TMEM181: variants seen among roughly 807,000 people sequenced by gnomAD.
TMEM181 encodes the protein G protein-coupled receptor 178.
A neutral mutation model predicts 71.9 loss-of-function variants in TMEM181; 39 were observed. That is an observed-to-expected ratio of 0.54 (90% CI 0.42 to 0.71). TMEM181 has a LOEUF of 0.71. Ranked by LOEUF, TMEM181 falls within the 30% of genes least tolerant of loss-of-function variation. The pLI is 0.00. For synonymous variants in TMEM181, 245 were observed against 228.8 expected, an observed-to-expected ratio of 1.07 and a Z score of -0.64; for missense variants, 595 against 583.0, an observed-to-expected ratio of 1.02 and a Z score of -0.21.
chr6:158,609,017 G>A (rs543069192), intron 10 of TMEM181, among the ~76,000 whole-genome samples: 21 of 151,832 alleles, frequency 1.4e-4, no homozygotes, highest in Non-Finnish European at 2.6e-4. Context: ...AGGATCGCTT[G>A]AGCCTGCGAG....
intron 13 of TMEM181, 116 bp downstream of exon 13, chr6:158,625,870 C>G (rs1041973907): frequency 3.2e-6 from 3 of 940,142 alleles, no homozygotes; most frequent in Non-Finnish European, 4.9e-6. Flanking sequence ...CCAGTAGACT[C>G]ATGAGGTTAG....
intron 10 of TMEM181, among the ~76,000 whole-genome samples, chr6:158,615,411 A>T (rs1468123896): frequency 6.6e-6 from 1 of 152,158 alleles, no homozygotes; most frequent in Non-Finnish European, 1.5e-5. Context: ...TAGATAGCAA[A>T]AATTTTCTGC....
chr6:158,611,028 T>C lies in TMEM181; in HGVS notation c.896+2278T>C, dbSNP rs1322669964. The C allele has an allele frequency of 1.8e-5, 8 of 452,746 alleles. No homozygotes were observed. In the East Asian group the frequency reaches 4.2e-4, roughly 24 times the overall value. 28.0% of individuals were successfully genotyped at this position (452,746 alleles called of 1,614,324 possible). ...CATCACCACCTCCCTATCTTTATGCTTTCGGATTTCTAAATGAGAGAGTCA... is the reference window on the plus strand; with the variant it reads ...CATCACCACCTCCCTATCTTTATGCCTTCGGATTTCTAAATGAGAGAGTCA... On this transcript the variant is annotated intron_variant, in intron 10 of 16. Coordinates refer to ENST00000684151, the MANE Select transcript of TMEM181 (RefSeq NM_001376852.1).
chr6:158,541,110 G>A (rs1781324555), intron 1 of TMEM181, among the ~76,000 whole-genome samples: 1 of 152,010 alleles, frequency 6.6e-6, no homozygotes, highest in Non-Finnish European at 1.5e-5. Context: ...GAGCCATGAG[G>A]GGTGAGTGAA....
At chr6:158,605,569 G>A (rs1311865501) in intron 7 of TMEM181, among the ~76,000 whole-genome samples, 2 of 152,176 alleles carry the variant, frequency 1.3e-5, no homozygotes, top group East Asian at 1.9e-4. Flanking sequence ...TAGAGTGCAC[G>A]TCCGTGACTT....
chr6:158,586,390 T>C (rs1783775528), intron 5 of TMEM181, among the ~76,000 whole-genome samples: 1 of 152,200 alleles, frequency 6.6e-6, no homozygotes, highest in African/African-American at 2.4e-5. Context: ...CTGCTGGGTG[T>C]CATGCCAAGT....
intron 1 of TMEM181, among the ~76,000 whole-genome samples, chr6:158,542,339 A>G (rs1781385318): frequency 6.6e-6 from 1 of 152,222 alleles, no homozygotes; most frequent in South Asian, 2.1e-4. Context: ...TTACTCCGTT[A>G]TTGAGTCCTT....
intron 6 of TMEM181, 128 bp from the exon 7 acceptor site, chr6:158,605,139 T>TGTGTGTGG: frequency 7.7e-6 from 3 of 391,932 alleles, no homozygotes; most frequent in South Asian, 2.6e-5. Context: ...AAAGTGTGTG[T>TGTGTGTGG]GTGTGTGTGT....
rs1464039684 is a variant in TMEM181, at chr6:158,634,921, A to G, written c.*3033A>G. The G allele has an allele frequency of 6.6e-6, 1 of 152,184 alleles. No homozygotes were observed. Among genetic ancestry groups the G allele is most frequent in the Non-Finnish European group, 1.5e-5 (1 of 68,034 alleles). The allele number at this position is 152,184 out of a possible 1,614,324, so 9.4% of individuals were successfully genotyped here. A position where few individuals can be genotyped will look rare whatever the true frequency, so the allele number is the denominator to read the frequency against. On this transcript the variant is annotated 3_prime_UTR_variant, in exon 17 of 17. Coordinates refer to ENST00000684151, the MANE Select transcript of TMEM181 (RefSeq NM_001376852.1). ...GACCCTCATAAAAGGGATAATTAAA[A>G]CGGATGTGTCTGAACATTTAGTGAA...
Position 158,585,441 on chromosome 6 carries a change from G to T in TMEM181, c.381+16G>T. ...ATGTGCAGGGGTGAGTGTGTGGGGTGAGCCCCACAGTCAGTCCTCAGGCTG... is the reference window on the plus strand; with the variant it reads ...ATGTGCAGGGGTGAGTGTGTGGGGTTAGCCCCACAGTCAGTCCTCAGGCTG... On this transcript the variant is annotated intron_variant, in intron 5 of 16. Coordinates refer to ENST00000684151, the MANE Select transcript of TMEM181 (RefSeq NM_001376852.1). The T allele has an allele frequency of 6.4e-7, 1 of 1,562,108 alleles. No individual in the cohort carries two copies. Among genetic ancestry groups the T allele is most frequent in the South Asian group, 1.2e-5 (1 of 82,752 alleles).
chr6:158,624,929 G>T (rs886521957), intron 11 of TMEM181, among the ~76,000 whole-genome samples, 175 bp from the exon 12 acceptor site: 8 of 152,214 alleles, frequency 5.3e-5, no homozygotes, highest in African/African-American at 1.7e-4. Context: ...GCCTGTGCTC[G>T]CAGCGGGACT....
At chr6:158,610,224 C>T (rs889649606) in intron 10 of TMEM181, 10 of 239,638 alleles carry the variant, frequency 4.2e-5, no homozygotes, top group African/African-American at 6.9e-5. Context: ...ATGCCACAGT[C>T]GTGGGGTGCC....
intron 6 of TMEM181, among the ~76,000 whole-genome samples, chr6:158,596,800 C>T (rs1282599898): frequency 6.6e-6 from 1 of 152,120 alleles, no homozygotes; most frequent in Non-Finnish European, 1.5e-5. Flanking sequence ...AAAGTGGAAA[C>T]CCTGATAAAC....
chr6:158,557,077 A>G (rs1291033645), upstream of TMEM181, among the ~76,000 whole-genome samples: 2 of 152,100 alleles, frequency 1.3e-5, no homozygotes, highest in African/African-American at 2.4e-5. Context: ...AATTCTGACA[A>G]CTTTCACAGT....
chr6:158,628,542 A>G, intron 14 of TMEM181, 52 bp downstream of exon 14: 1 of 1,533,262 alleles, frequency 6.5e-7, no homozygotes, highest in South Asian at 1.1e-5. Flanking sequence ...TTAGCATTGC[A>G]GCAGTTAGTG....
intron 1 of TMEM181, among the ~76,000 whole-genome samples, chr6:158,572,695 T>G (rs551862747): frequency 6.6e-6 from 1 of 152,166 alleles, no homozygotes; most frequent in Admixed American, 6.5e-5. Flanking sequence ...CTAAAAGAAA[T>G]GATCCCTGCC....
Position 158,584,043 on chromosome 6 carries a change from A to G in TMEM181, c.258A>G (p.Lys86=). The change falls in exon 4 of 17, where the codon AAA becomes AAG. Residue 86 remains lysine (K), a splice_region_variant and synonymous_variant. Coordinates refer to ENST00000684151, the MANE Select transcript of TMEM181 (RefSeq NM_001376852.1). ...GTGTTGTTGAGTTGGATCAATCAAA[A>G]GGTATGGAGCTTGACATTTTGGAAT... The part of the protein sequence containing the change: ...LTCVVELDQS[K]ETSIKTSFPM... 1 of 1,607,706 alleles carries G rather than the reference A, an allele frequency of 6.2e-7. No individual in the cohort carries two copies. The highest frequency in any genetic ancestry group is 8.5e-7 in the Non-Finnish European group (1 of 1,176,678).
intron 4 of TMEM181, 141 bp downstream of exon 4, chr6:158,584,185 A>G (rs1055254038): frequency 1.4e-6 from 1 of 704,300 alleles, no homozygotes; most frequent in South Asian, 2.5e-5. Flanking sequence ...TCATAGCAAC[A>G]AATTGGAAAC....
intron 1 of TMEM181, among the ~76,000 whole-genome samples, chr6:158,569,389 C>A (rs913516941): frequency 2.0e-5 from 3 of 152,232 alleles, no homozygotes; most frequent in African/African-American, 4.8e-5. Flanking sequence ...CGGTTATACC[C>A]AGCTTACACT....
Sources: gnomAD v4.1 joint callset for allele counts (sites outside exome capture counted in the v4.1 genomes callset) on GRCh38, gnomAD v4.1.1 for gene constraint, MANE v1.5 for transcripts, NCBI Gene and HGNC (gene_info 2026-07-23, HGNC 2026-07-21) for gene names.